The following SELP variants were observed in gnomAD, a reference collection of about 807,000 sequenced individuals.
SELP encodes the protein P-selectin.
A neutral mutation model predicts 104.1 loss-of-function variants in SELP; 92 were observed. The observed-to-expected ratio is 0.88, with a 90% confidence interval of 0.75 to 1.05. SELP has a LOEUF of 1.05. Among genes scored for constraint, SELP ranks in the 50% least tolerant of loss-of-function variants. The pLI, the probability that SELP is intolerant of heterozygous loss-of-function variation, is 0.00. For synonymous variants in SELP, 397 were observed against 364.5 expected (o/e 1.09, Z -1.01); for missense variants, 1,022 against 1,017.3 (o/e 1.00, Z -0.06).
At chr1:169,625,126 A>G (rs1663314010) in intron 1 of SELP, among the ~76,000 whole-genome samples, 1 of 151,996 alleles carries the variant, frequency 6.6e-6, no homozygotes, top group South Asian at 2.1e-4. Flanking sequence ...CGACCATCCT[A>G]TCAAAGTGTC....
chr1:169,621,244 T>C (rs1298590997), intron 1 of SELP, among the ~76,000 whole-genome samples: 1 of 148,022 alleles, frequency 6.8e-6, no homozygotes, highest in African/African-American at 2.5e-5. Context: ...TGTGTGTGTG[T>C]GTTTGTGTCA....
intron 1 of SELP, among the ~76,000 whole-genome samples, chr1:169,627,488 T>G (rs1334150035): frequency 6.6e-6 from 1 of 152,232 alleles, no homozygotes; most frequent in Non-Finnish European, 1.5e-5. Flanking sequence ...AGAGATGAGT[T>G]ATATCTCTAC....
chr1:169,595,737 A>G lies in SELP; in HGVS notation c.2101+188T>C, dbSNP rs3917817. 4.9e-3 allele frequency among the ~76,000 whole-genome samples: 743 copies of G among 152,306 alleles called. 9 individuals are homozygous for G. The highest frequency in any genetic ancestry group is 0.017 in the African/African-American group (709 of 41,560). On this transcript the variant is annotated intron_variant, in intron 12 of 16. Coordinates refer to ENST00000263686, the MANE Select transcript of SELP (RefSeq NM_003005.4). ...TTGTGTATTAGCTTTAGCTTGTGAC[A>G]TGAGGAAGGACAGAAGTGAAATGCC...
intron 10 of SELP, among the ~76,000 whole-genome samples, chr1:169,598,158 T>G (rs1185629804): frequency 1.3e-5 from 2 of 152,238 alleles, no homozygotes; most frequent in Non-Finnish European, 2.9e-5. Flanking sequence ...CCCAAAAGTA[T>G]TTTTACAAAT....
chr1:169,601,861 ATAGG>A (rs2101883017), intron 10 of SELP, among the ~76,000 whole-genome samples: 1 of 150,248 alleles, frequency 6.7e-6, no homozygotes, highest in East Asian at 2.0e-4. Flanking sequence ...TGCTTATGAA[ATAGG>A]TAGTCCTACA....
intron 1 of SELP, among the ~76,000 whole-genome samples, chr1:169,626,997 A>T (rs955345379): frequency 4.0e-5 from 6 of 151,550 alleles, no homozygotes; most frequent in African/African-American, 7.3e-5. Context: ...TTTTTTTTTT[A>T]AATGAGTTAC....
intron 9 of SELP, among the ~76,000 whole-genome samples, chr1:169,605,427 CATT>C (rs1251636868): frequency 6.6e-6 from 1 of 151,300 alleles, no homozygotes; most frequent in African/African-American, 2.4e-5. Flanking sequence ...TTCATTCATT[CATT>C]CATTCATTCA....
rs1661589818 is a variant in SELP at position 169,596,024 on chromosome 1, A to G, written c.2002T>C (p.Cys668Arg). The change falls in exon 12 of 17, where the codon TGT becomes CGT. Residue 668 changes from cysteine to arginine, a missense_variant. By Grantham distance (180) the Cys-to-Arg change is radical (BLOSUM62 -3). Transcript: ENST00000263686. ...HPGTFGFNTT[C>R]YFGCNAGFTL... is the part of the protein sequence containing the mutation. ...AATCCAGCGTTGCAGCCAAAGTAAC[A>G]AGTGGTATTAAAACCAAAGGTTCCC... 1 of 1,613,834 alleles carries G rather than the reference A, an allele frequency of 6.2e-7. No homozygotes were observed. The highest frequency in any genetic ancestry group is 8.5e-7 in the Non-Finnish European group (1 of 1,179,868).
Position 169,609,488 on chromosome 1 carries a change from A to G in SELP, c.1333+16T>C. On this transcript the variant is annotated intron_variant, in intron 8 of 16. Coordinates refer to ENST00000263686, the MANE Select transcript of SELP (RefSeq NM_003005.4). ...GAGCTGAGACACACAGAAAAACATT[A>G]CCACTGTTACAGTACCTTGACAGAC... is the stretch of plus-strand genomic sequence containing the variant. The G allele has an allele frequency of 3.7e-6, 6 of 1,602,322 alleles. No individual in the cohort carries two copies. Among genetic ancestry groups the G allele is most frequent in the Non-Finnish European group, 4.3e-6 (5 of 1,173,384 alleles).
At chr1:169,605,420 A>G (rs1662130628) in intron 9 of SELP, among the ~76,000 whole-genome samples, 1 of 72,952 alleles carries the variant, frequency 1.4e-5, no homozygotes, top group African/African-American at 1.3e-4. Flanking sequence ...CCATTTGTTC[A>G]TTCATTCATT....
chr1:169,604,709 G>T (rs1374928163), intron 9 of SELP, among the ~76,000 whole-genome samples: 2 of 152,068 alleles, frequency 1.3e-5, no homozygotes, highest in Non-Finnish European at 2.9e-5. Flanking sequence ...TGTGTATGTG[G>T]GGCTGGAGAG....
At chr1:169,618,128 A>G (rs1366313404) in intron 2 of SELP, among the ~76,000 whole-genome samples, 1 of 152,118 alleles carries the variant, frequency 6.6e-6, no homozygotes, top group Non-Finnish European at 1.5e-5. Context: ...TAAATCTCCG[A>G]CGGTGTTTTC....
chr1:169,606,906 C>T (rs1240405645), intron 9 of SELP, 43 bp downstream of exon 9: 1 of 1,564,788 alleles, frequency 6.4e-7, no homozygotes, highest in African/African-American at 1.4e-5. Context: ...AAAAATACTG[C>T]CTACAATTTA....
chr1:169,623,906 T>C (rs1468370471), intron 1 of SELP, among the ~76,000 whole-genome samples: 1 of 152,194 alleles, frequency 6.6e-6, no homozygotes, highest in African/African-American at 2.4e-5. Context: ...TGAATGTGCA[T>C]AGGGTTAACA....
At chr1:169,612,470 C>A in intron 5 of SELP, 68 bp from the exon 6 acceptor site, 1 of 1,494,592 alleles carries the variant, frequency 6.7e-7, no homozygotes, top group South Asian at 1.2e-5. Context: ...TGGAAGCCTT[C>A]AAATTCTGCA....
intron 10 of SELP, 116 bp from the exon 11 acceptor site, chr1:169,597,292 G>T: frequency 1.1e-6 from 1 of 924,430 alleles, no homozygotes; most frequent in Non-Finnish European, 1.5e-6. Context: ...TATATTCCAG[G>T]TATTTTGCTA....
At chr1:169,600,029 G>A (rs574455275) in intron 10 of SELP, among the ~76,000 whole-genome samples, 15 of 152,146 alleles carry the variant, frequency 9.9e-5, no homozygotes, top group Non-Finnish European at 1.9e-4. Context: ...GGAGGGATAC[G>A]GAAACTGTGT....
At chr1:169,594,323 T>C (rs1232130256) in intron 13 of SELP, among the ~76,000 whole-genome samples, 1 of 151,884 alleles carries the variant, frequency 6.6e-6, no homozygotes, top group East Asian at 1.9e-4. Flanking sequence ...TGCTAGGAGG[T>C]TTTTAGAGTT....
chr1:169,603,232 G>A (rs773478009), intron 9 of SELP, 21 bp from the exon 10 acceptor site: 3 of 1,592,224 alleles, frequency 1.9e-6, no homozygotes, highest in South Asian at 2.2e-5. Context: ...CATGGCAGAG[G>A]AGAAAAGAAG....
Sources: gnomAD v4.1 joint callset for allele counts (sites outside exome capture counted in the v4.1 genomes callset) on GRCh38, gnomAD v4.1.1 for gene constraint, MANE v1.5 for transcripts, NCBI Gene and HGNC (gene_info 2026-07-23, HGNC 2026-07-21) for gene names.